CSMD1: variants seen among roughly 807,000 people sequenced by gnomAD.
The protein encoded by CSMD1 is CUB and sushi domain-containing protein 1.
CSMD1 carries 213 observed loss-of-function variants against 417.5 expected under a neutral mutation model. The observed-to-expected ratio is 0.51, with a 90% confidence interval of 0.46 to 0.57. The LOEUF (loss-of-function observed/expected upper bound fraction) is 0.57, where lower values mean the gene tolerates loss of function less well. CSMD1 is among the 20% of genes least tolerant of loss of function. The pLI, the probability that CSMD1 is intolerant of heterozygous loss-of-function variation, is 0.00. For missense variants in CSMD1, 6,923 were observed against 4,529.7 expected, an observed-to-expected ratio of 1.53 and a Z score of -15.17; for synonymous variants, 2,862 against 1,736.8, an observed-to-expected ratio of 1.65 and a Z score of -16.11.
chr8:4,090,423 T>C (rs968175922), intron 3 of CSMD1, among the ~76,000 whole-genome samples: 2 of 152,288 alleles, frequency 1.3e-5, no homozygotes, highest in African/African-American at 4.8e-5. Flanking sequence ...TAGTCTTGAT[T>C]GGACGTGTTT....
At chr8:3,676,677 C>A (rs995270386) in intron 7 of CSMD1, among the ~76,000 whole-genome samples, 1 of 152,082 alleles carries the variant, frequency 6.6e-6, no homozygotes, top group Non-Finnish European at 1.5e-5. Context: ...AATCAAGTTC[C>A]ATATCTTAAA....
chr8:4,579,432 C>A (rs1799307746), intron 2 of CSMD1, among the ~76,000 whole-genome samples: 1 of 151,990 alleles, frequency 6.6e-6, no homozygotes, highest in Admixed American at 6.6e-5. Flanking sequence ...GATCTCAGCT[C>A]AGTGCAACCT....
At chr8:2,991,970 A>G (rs1198618863) in intron 54 of CSMD1, among the ~76,000 whole-genome samples, 1 of 152,246 alleles carries the variant, frequency 6.6e-6, no homozygotes, top group Non-Finnish European at 1.5e-5. Context: ...GATGCTTAAA[A>G]ATATGTTAAA....
At chr8:4,452,860 T>G (rs35156308) in intron 2 of CSMD1, among the ~76,000 whole-genome samples, 17,447 of 152,054 alleles carry the variant, frequency 0.11, 1,179 homozygotes, top group South Asian at 0.21. Flanking sequence ...GAGAAGGTGA[T>G]ATAGGAAGGC....
chr8:4,863,313 T>C (rs947525517), intron 1 of CSMD1, among the ~76,000 whole-genome samples: 6 of 152,028 alleles, frequency 3.9e-5, no homozygotes, highest in Non-Finnish European at 8.8e-5. Flanking sequence ...TCTCAATAAA[T>C]GGCAGTTATT....
At chr8:4,588,779 G>GAC (rs10576784) in intron 2 of CSMD1, among the ~76,000 whole-genome samples, 17,486 of 146,290 alleles carry the variant, frequency 0.12, 1,268 homozygotes, top group African/African-American at 0.21. Context: ...GCAAGACTCC[G>GAC]ACACACACAC....
At chr8:4,146,351 G>A (rs1259710438) in intron 3 of CSMD1, among the ~76,000 whole-genome samples, 1 of 150,772 alleles carries the variant, frequency 6.6e-6, no homozygotes, top group East Asian at 1.9e-4. Flanking sequence ...ATTCTGATAA[G>A]CTTCAGCCCA....
chr8:3,376,318 C>T (rs1189716252), intron 18 of CSMD1, among the ~76,000 whole-genome samples: 3 of 151,758 alleles, frequency 2.0e-5, no homozygotes, highest in Non-Finnish European at 4.4e-5. Context: ...TTTTCAAATG[C>T]CAAGAACAAC....
At chr8:4,295,807 G>A (rs1459197432) in intron 3 of CSMD1, among the ~76,000 whole-genome samples, 1 of 136,896 alleles carries the variant, frequency 7.3e-6, no homozygotes, top group South Asian at 2.3e-4. Context: ...CATCTTGAGA[G>A]AAAATTTAAA....
At chr8:3,315,492 G>A (rs1335730076) in intron 23 of CSMD1, among the ~76,000 whole-genome samples, 2 of 147,344 alleles carry the variant, frequency 1.4e-5, no homozygotes, top group Non-Finnish European at 3.0e-5. Context: ...AATTATTTAT[G>A]GTTTTTTAAG....
rs941051727 is a variant in CSMD1 at position 4,964,110 on chromosome 8, T to G, written c.85+30222A>C. On this transcript the variant is annotated intron_variant, in intron 1 of 69. Transcript: ENST00000635120. ...ATTTTATTTTTTTTACTTTCTCAAG[T>G]GGCACTATCTTCATTTTTATCTTCA... Among the ~76,000 whole-genome samples, 6 of 152,242 alleles carry G rather than the reference T, an allele frequency of 3.9e-5. No individual in the cohort carries two copies. In the East Asian group the frequency reaches 1.2e-3, roughly 29 times the overall value.
intron 1 of CSMD1, among the ~76,000 whole-genome samples, chr8:4,660,720 A>G (rs979591462): frequency 3.2e-4 from 48 of 152,222 alleles, no homozygotes; most frequent in African/African-American, 1.1e-3. Flanking sequence ...TTTGAAAATC[A>G]CATATTTGAC....
chr8:4,116,669 A>T (rs1178585002), intron 3 of CSMD1, among the ~76,000 whole-genome samples: 3 of 151,324 alleles, frequency 2.0e-5, no homozygotes, highest in Non-Finnish European at 2.9e-5. Flanking sequence ...TCCGACGGCG[A>T]TGTACGAGTG....
chr8:4,348,095 G>T (rs907767872), intron 3 of CSMD1, among the ~76,000 whole-genome samples: 1 of 152,200 alleles, frequency 6.6e-6, no homozygotes, highest in Admixed American at 6.5e-5. Context: ...CCCAGGAAAA[G>T]TGAATGCTTG....
intron 54 of CSMD1, among the ~76,000 whole-genome samples, chr8:2,987,156 A>C (rs1028282933): frequency 2.0e-5 from 3 of 152,070 alleles, no homozygotes; most frequent in Admixed American, 2.0e-4. Context: ...TAAACAGCTT[A>C]TATTAAGGGC....
chr8:4,594,138 G>T (rs1043004467), intron 2 of CSMD1, among the ~76,000 whole-genome samples: 2 of 144,260 alleles, frequency 1.4e-5, no homozygotes, highest in African/African-American at 2.6e-5. Flanking sequence ...CACTGGTCAT[G>T]TTGAATTAGG....
intron 3 of CSMD1, among the ~76,000 whole-genome samples, chr8:4,403,528 A>G (rs1160044269): frequency 6.6e-6 from 1 of 152,120 alleles, no homozygotes; most frequent in Non-Finnish European, 1.5e-5. Flanking sequence ...ATGACTTAGT[A>G]TCATTCGCCA....
chr8:4,224,192 T>C (rs1044345810), intron 3 of CSMD1, among the ~76,000 whole-genome samples: 2 of 150,992 alleles, frequency 1.3e-5, no homozygotes, highest in African/African-American at 2.4e-5. Flanking sequence ...GTGAAAGTTA[T>C]GCAAAGCGTT....
intron 17 of CSMD1, among the ~76,000 whole-genome samples, chr8:3,391,176 A>AC (rs5888965): frequency 0.47 from 71,456 of 151,808 alleles, 17,234 homozygotes; most frequent in African/African-American, 0.56. Context: ...ATCTCAGCAA[A>AC]CAATTGGTGT....
Sources: allele counts gnomAD v4.1 joint callset (sites outside exome capture counted in the v4.1 genomes callset), GRCh38; gene constraint gnomAD v4.1.1; transcripts MANE v1.5; gene names NCBI Gene and HGNC (gene_info 2026-07-23, HGNC 2026-07-21).